The following TLCD1 variants were observed in gnomAD, a reference collection of about 807,000 sequenced individuals.
The protein encoded by TLCD1 is TLC domain containing 1.
In TLCD1, 21 loss-of-function variants were observed where a neutral mutation model predicts 21.2. That is an observed-to-expected ratio of 0.99 (90% CI 0.70 to 1.42). TLCD1 has a LOEUF of 1.42. Among genes scored for constraint, TLCD1 ranks in the 40% most tolerant of loss-of-function variants. The probability of loss-of-function intolerance (pLI) is 0.00; values close to 1 mark genes in which losing one functional copy is unlikely to be tolerated. For missense variants in TLCD1, 344 were observed against 330.3 expected, an observed-to-expected ratio of 1.04 and a Z score of -0.32; for synonymous variants, 168 against 134.8, an observed-to-expected ratio of 1.25 and a Z score of -1.71.
rs377016890 is a variant in TLCD1 at position 28,725,530 on chromosome 17, A to G, written c.228T>C (p.Ile76=). ...AGCCAGAAAGTGACCACGCCGTCTCAATCTCCACTAACATGTCAGGAGTCT... is the reference window on the plus strand; with the variant it reads ...AGCCAGAAAGTGACCACGCCGTCTCGATCTCCACTAACATGTCAGGAGTCT... The part of the protein sequence containing the change: ...VWQTPDMLVE[I]ETAWSLSGYL... The change falls in exon 2 of 4, where the codon ATT becomes ATC. Residue 76 remains isoleucine, a synonymous_variant. Coordinates refer to ENST00000292090, the MANE Select transcript of TLCD1 (RefSeq NM_138463.4). 3.7e-5 allele frequency: 60 copies of G among 1,614,024 alleles called. 2 individuals carry two copies. In the Middle Eastern group the frequency reaches 6.6e-4, roughly 18 times the overall value.
upstream of TLCD1, chr17:28,727,649 T>G (rs563316758): frequency 6.6e-6 from 1 of 150,722 alleles, no homozygotes; most frequent in Admixed American, 6.6e-5. Context: ...AGATGGAGGC[T>G]CACTCTATCG....
Position 28,725,358 on chromosome 17 carries a change from G to C in TLCD1, c.306C>G (p.Ile102Met), listed in dbSNP as rs753007150. The C allele has an allele frequency of 6.2e-7, 1 of 1,614,128 alleles. No homozygotes were observed. The highest frequency in any genetic ancestry group is 1.3e-5 in the African/African-American group (1 of 75,016). ...AGGCTCGCGTCTGTCCGCTAGCCAC[G>C]ATGTCCACCGTATCGTGGATGAAAT... The part of the protein sequence containing the change: ...AGYFIHDTVD[I>M]VASGQTRASW... The change falls in exon 3 of 4, where the codon ATC (isoleucine) becomes ATG (methionine). Residue 102 changes from isoleucine (I) to methionine (M), a missense_variant. Coordinates refer to ENST00000292090, the MANE Select transcript of TLCD1 (RefSeq NM_138463.4).
intron 3 of TLCD1, 57 bp downstream of exon 3, chr17:28,725,247 A>G (rs1195226436): frequency 5.1e-6 from 8 of 1,574,696 alleles, no homozygotes; most frequent in Non-Finnish European, 7.0e-6. Context: ...AGAAAGACGG[A>G]GCTGAGACTA....
upstream of TLCD1, chr17:28,727,307 T>C: frequency 5.7e-6 from 1 of 175,880 alleles, no homozygotes; most frequent in Non-Finnish European, 1.2e-5. Flanking sequence ...AGGTTACACA[T>C]TAACCCCTGT....
intron 1 of TLCD1, among the ~76,000 whole-genome samples, 164 bp downstream of exon 1, chr17:28,725,740 C>T (rs1459306916): frequency 6.6e-6 from 1 of 152,244 alleles, no homozygotes; most frequent in African/African-American, 2.4e-5. Context: ...TCCCCCTCCC[C>T]TGGGGCCACT....
upstream of TLCD1, chr17:28,726,304 C>T: frequency 9.3e-7 from 1 of 1,072,380 alleles, no homozygotes; most frequent in Middle Eastern, 3.8e-4. Context: ...GCCCCCGCCC[C>T]GCCCGCCTGC....
chr17:28,726,231 T>C lies in TLCD1; in HGVS notation c.-134A>G. ...GCCCCACACAGTTGGCGAAGCCCTC[T>C]AGGCCCCTTGGCTCCTCCTCGCCCT... On this transcript the variant is annotated 5_prime_UTR_variant, in exon 1 of 4. Coordinates refer to ENST00000292090, the MANE Select transcript of TLCD1 (RefSeq NM_138463.4). 1.5e-6 allele frequency: 2 copies of C among 1,325,344 alleles called. No homozygotes were observed. Among genetic ancestry groups the C allele is most frequent in the Non-Finnish European group, 1.9e-6 (2 of 1,043,536 alleles). The allele number at this position is 1,325,344 out of a possible 1,614,324, so 82.1% of individuals were successfully genotyped here. A position where few individuals can be genotyped will look rare whatever the true frequency, so the allele number is the denominator to read the frequency against.
At position 28,725,231 on chromosome 17, in the gene TLCD1, A is replaced by C. The variant is rs763623728; in HGVS notation, c.360+73T>G. On this transcript the variant is annotated intron_variant, in intron 3 of 3. Transcript: ENST00000292090. ...TGGTAAGAAAACACGGCCTTCTCCCAGATTCAGAAAGACGGAGCTGAGACT... is the reference window on the plus strand; with the variant it reads ...TGGTAAGAAAACACGGCCTTCTCCCCGATTCAGAAAGACGGAGCTGAGACT... 9 of 1,542,044 alleles carry C rather than the reference A, an allele frequency of 5.8e-6. No homozygotes were observed. The African/African-American group carries it at 9.5e-5, about 16-fold the overall frequency.
Position 28,724,816 on chromosome 17 carries a change from G to A in TLCD1, c.438C>T (p.Val146=). ...TGCGAATGGTGAGGAAGATGTTGCT[G>A]ACTTCCACCAGTAGTGTTAAGACAC... ...GGGVLTLLVE[V]SNIFLTIRMM... The change falls in exon 4 of 4, where the codon GTC becomes GTT. Residue 146 remains valine, a synonymous_variant. Transcript: ENST00000292090. 1.9e-6 allele frequency: 3 copies of A among 1,614,072 alleles called. No homozygotes were observed. The highest frequency in any genetic ancestry group is 2.5e-6 in the Non-Finnish European group (3 of 1,180,026).
Position 28,725,948 on chromosome 17 carries a change from G to A in TLCD1, c.150C>T (p.Val50=), listed in dbSNP as rs772361503. Residue 50 remains valine (V), a synonymous_variant, in exon 1 of 4, where the codon GTC becomes GTT. Transcript: ENST00000292090. ...CCGACACAATGGAGTGAGCGAAGGAGACGAGCAGGTTGTGCCAGCGCCAGG... is the reference window on the plus strand; with the variant it reads ...CCGACACAATGGAGTGAGCGAAGGAAACGAGCAGGTTGTGCCAGCGCCAGG... ...LRTWRWHNLL[V]SFAHSIVSGI... The A allele has an allele frequency of 3.7e-6, 6 of 1,612,926 alleles. No homozygotes were observed. The highest frequency in any genetic ancestry group is 5.1e-6 in the Non-Finnish European group (6 of 1,179,832).
At position 28,724,617 on chromosome 17, in the gene TLCD1, T is replaced by G; in HGVS notation, c.637A>C (p.Met213Leu). The change falls in exon 4 of 4, where the codon ATG becomes CTG. Residue 213 changes from methionine to leucine, a missense_variant. Physicochemically the swap from Met to Leu is conservative, Grantham distance 15. Coordinates refer to ENST00000292090, the MANE Select transcript of TLCD1 (RefSeq NM_138463.4). ...LGTFLLGILL[M>L]LDVMIIIYFS... ...TAGATTATGATCATCACGTCCAGCA[T>G]GAGCAGGATACCCAGCAGGAAGGTG... 1 of 1,614,068 alleles carries G rather than the reference T, an allele frequency of 6.2e-7. No individual in the cohort carries two copies. The highest frequency in any genetic ancestry group is 8.5e-7 in the Non-Finnish European group (1 of 1,180,010).
chr17:28,726,859 C>G, upstream of TLCD1: 1 of 1,525,098 alleles, frequency 6.6e-7, no homozygotes, highest in Non-Finnish European at 8.8e-7. Flanking sequence ...GCGGCTGTCA[C>G]AGTCCTCCCT....
At position 28,724,735 on chromosome 17, in the gene TLCD1, A is replaced by C. The variant is rs369195549; in HGVS notation, c.519T>G (p.Tyr173Ter). Residue 173 changes from tyrosine (Y) to a stop codon, truncating the protein, a stop_gained, in exon 4 of 4, where the codon TAT becomes TAG. Coordinates refer to ENST00000292090, the MANE Select transcript of TLCD1 (RefSeq NM_138463.4). LOFTEE classifies it high-confidence loss of function. ...AGAGAAAGTACATGACCAGGTTCAC[A>C]TACTTGTTAACCCGGTAGAGGAGAT... ...QDHLLYRVNKYVNLVMYFLFR... is the reference protein window; with the variant it reads ...QDHLLYRVNK The C allele has an allele frequency of 6.2e-7, 1 of 1,614,192 alleles. No individual in the cohort carries two copies. The highest frequency in any genetic ancestry group is 2.2e-5 in the East Asian group (1 of 44,882).
At chr17:28,726,925 G>T, upstream of TLCD1, 4 of 1,024,922 alleles carry the variant, frequency 3.9e-6, no homozygotes, top group Non-Finnish European at 5.8e-6. Flanking sequence ...CAAGACCTCC[G>T]ATTTGCCGGG....
At chr17:28,725,109 G>A (rs2034196038) in intron 3 of TLCD1, among the ~76,000 whole-genome samples, 195 bp downstream of exon 3, 2 of 152,120 alleles carry the variant, frequency 1.3e-5, no homozygotes, top group Admixed American at 1.3e-4. Context: ...AGTCTAAAGA[G>A]GCAGTGAAAC....
chr17:28,726,662 G>A (rs1597801200), upstream of TLCD1: 5 of 1,255,538 alleles, frequency 4.0e-6, no homozygotes, highest in East Asian at 5.1e-5. Context: ...TCCTGGGGTG[G>A]GCTCCGGAGC....
At chr17:28,726,323 C>T (rs2034229584), upstream of TLCD1, 1 of 934,818 alleles carries the variant, frequency 1.1e-6, no homozygotes, top group South Asian at 5.0e-5. Context: ...GCCCCCGCCC[C>T]GTCCGCCTGC....
At chr17:28,727,068 G>A, upstream of TLCD1, 1 of 573,396 alleles carries the variant, frequency 1.7e-6, no homozygotes. Flanking sequence ...CTGCTTTCGG[G>A]GAGAGTTTAG....
chr17:28,725,842 GCCGGCC>G, intron 1 of TLCD1, 56 bp downstream of exon 1: 1 of 1,563,640 alleles, frequency 6.4e-7, no homozygotes, highest in Non-Finnish European at 8.7e-7. Flanking sequence ...TAACACAAGA[GCCGGCC>G]CCGGCTCCCC....
Sources: allele counts gnomAD v4.1 joint callset (sites outside exome capture counted in the v4.1 genomes callset), GRCh38; gene constraint gnomAD v4.1.1; transcripts MANE v1.5; gene names NCBI Gene and HGNC (gene_info 2026-07-23, HGNC 2026-07-21).